SH3BGR: variants seen among roughly 807,000 people sequenced by gnomAD.
The protein encoded by SH3BGR is SH3 domain binding glutamate rich protein.
SH3BGR carries 29 observed loss-of-function variants against 24.5 expected under a neutral mutation model. The observed-to-expected ratio is 1.18, with a 90% CI of 0.88 to 1.61. SH3BGR has a LOEUF of 1.61. SH3BGR is among the 40% of genes most tolerant of loss of function. SH3BGR has a pLI of 0.00. For missense variants in SH3BGR, 162 were observed against 205.8 expected, an observed-to-expected ratio of 0.79 and a Z score of 1.30; for synonymous variants, 55 against 65.7, an observed-to-expected ratio of 0.84 and a Z score of 0.79.
At chr21:39,495,390 C>T (rs893965649) in intron 3 of SH3BGR, among the ~76,000 whole-genome samples, 1 of 151,976 alleles carries the variant, frequency 6.6e-6, no homozygotes, top group African/African-American at 2.4e-5. Flanking sequence ...AAACAGCAAA[C>T]TCTATGTTTC....
intron 3 of SH3BGR, among the ~76,000 whole-genome samples, chr21:39,476,537 C>T (rs1328965204): frequency 1.3e-5 from 2 of 152,188 alleles, no homozygotes; most frequent in African/African-American, 4.8e-5. Context: ...AAAAAATGCC[C>T]TACTCCTTCC....
Position 39,462,396 on chromosome 21 carries a change from G to T in SH3BGR, c.67G>T (p.Val23Leu). 6.2e-7 allele frequency: 1 copy of T among 1,609,150 alleles called. No homozygotes were observed. The highest frequency in any genetic ancestry group is 1.7e-5 in the Admixed American group (1 of 58,198). The part of the protein sequence containing the change: ...SIAIRKKQQE[V>L]VGFLEANKID... The stretch of plus-strand genomic sequence containing the variant: ...CCAGATTAGGAAGAAACAGCAAGAA[G>T]TAGTGGGTTTTTTGGAAGCGAATAA... Residue 23 changes from valine (V) to leucine (L), a missense_variant, in exon 2 of 7, where the codon GTA (valine) becomes TTA (leucine). Physicochemically the swap from Val to Leu is conservative, Grantham distance 32. Transcript: ENST00000333634.
At chr21:39,460,491 A>AT (rs1433319542) in intron 1 of SH3BGR, among the ~76,000 whole-genome samples, 1 of 151,924 alleles carries the variant, frequency 6.6e-6, no homozygotes, top group Non-Finnish European at 1.5e-5. Context: ...AAACTAAAAA[A>AT]TTTTTTTTGA....
chr21:39,463,570 CCTCTT>C (rs2077791710), intron 2 of SH3BGR, among the ~76,000 whole-genome samples: 1 of 152,220 alleles, frequency 6.6e-6, no homozygotes, highest in Non-Finnish European at 1.5e-5. Context: ...TCTTATCTGA[CCTCTT>C]CTCTTGCTGC....
Position 39,462,366 on chromosome 21 carries a change from C to G in SH3BGR, c.46-9C>G, listed in dbSNP as rs1442112075. 1.9e-6 allele frequency: 3 copies of G among 1,591,328 alleles called. No individual in the cohort carries two copies. The East Asian group carries it at 6.7e-5, about 36-fold the overall frequency. Reference sequence around the variant, plus strand: ...ATAAACAGCCTAATATTTCTCTACTCTTGACCAGATTAGGAAGAAACAGCA... The same window carrying G: ...ATAAACAGCCTAATATTTCTCTACTGTTGACCAGATTAGGAAGAAACAGCA... On this transcript the variant is annotated splice_polypyrimidine_tract_variant and intron_variant, in intron 1 of 6. Transcript: ENST00000333634.
chr21:39,462,394 A>T lies in SH3BGR; in HGVS notation c.65A>T (p.Glu22Val). Residue 22 changes from glutamate to valine, a missense_variant, in exon 2 of 7, where the codon GAA (glutamate) becomes GTA (valine). Glu to Val is a moderately radical substitution (Grantham distance 121, BLOSUM62 -2). Transcript: ENST00000333634. ...GACCAGATTAGGAAGAAACAGCAAG[A>T]AGTAGTGGGTTTTTTGGAAGCGAAT... ...GSIAIRKKQQEVVGFLEANKI... is the reference protein window; with the variant it reads ...GSIAIRKKQQVVVGFLEANKI... 1 of 1,608,012 alleles carries T rather than the reference A, an allele frequency of 6.2e-7. No homozygotes were observed. Among genetic ancestry groups the T allele is most frequent in the South Asian group, 1.1e-5 (1 of 89,472 alleles).
At chr21:39,472,582 T>C (rs530171353) in intron 2 of SH3BGR, among the ~76,000 whole-genome samples, 1 of 152,352 alleles carries the variant, frequency 6.6e-6, no homozygotes, top group Non-Finnish European at 1.5e-5. Flanking sequence ...GATTTCCTTT[T>C]AAGATTTTTT....
chr21:39,449,130 A>C (rs1369182407), upstream of SH3BGR, among the ~76,000 whole-genome samples: 1 of 152,224 alleles, frequency 6.6e-6, no homozygotes, highest in Non-Finnish European at 1.5e-5. Context: ...TGTATGATAC[A>C]TATATGTTTA....
At chr21:39,460,062 G>A (rs73906042) in intron 1 of SH3BGR, among the ~76,000 whole-genome samples, 6,607 of 152,272 alleles carry the variant, frequency 0.043, 449 homozygotes, top group African/African-American at 0.15. Context: ...AGATGGCCAC[G>A]TTGGTAAGAA....
At chr21:39,460,896 T>C (rs1390968881) in intron 1 of SH3BGR, among the ~76,000 whole-genome samples, 1 of 152,186 alleles carries the variant, frequency 6.6e-6, no homozygotes, top group Non-Finnish European at 1.5e-5. Context: ...CAAGCAATCC[T>C]TTTGTCTCAG....
At chr21:39,472,850 C>T (rs1217549401) in intron 2 of SH3BGR, among the ~76,000 whole-genome samples, 1 of 152,106 alleles carries the variant, frequency 6.6e-6, no homozygotes, top group Non-Finnish European at 1.5e-5. Context: ...TCTACATCCC[C>T]CTTTTTCCTC....
chr21:39,505,852 C>T (rs947294442), intron 4 of SH3BGR, among the ~76,000 whole-genome samples: 20 of 152,104 alleles, frequency 1.3e-4, no homozygotes, highest in African/African-American at 4.6e-4. Flanking sequence ...CTTCCTACTG[C>T]CCCCCAGGCT....
intron 1 of SH3BGR, among the ~76,000 whole-genome samples, chr21:39,459,232 CTT>C (rs34104540): frequency 6.9e-6 from 1 of 145,646 alleles, no homozygotes. Flanking sequence ...CTTTTTCTTT[CTT>C]TTTTTTTTTG....
chr21:39,499,994 T>C, intron 4 of SH3BGR, 79 bp downstream of exon 4: 1 of 1,033,264 alleles, frequency 9.7e-7, no homozygotes, highest in Non-Finnish European at 1.5e-6. Context: ...ACAACTTGAC[T>C]CTGGGCACAA....
chr21:39,492,466 G>GTATATA (rs575260270), intron 3 of SH3BGR, among the ~76,000 whole-genome samples: 48 of 139,774 alleles, frequency 3.4e-4, no homozygotes, highest in African/African-American at 1.1e-3. Flanking sequence ...GTGTGTGTGT[G>GTATATA]TATATATATA....
chr21:39,448,685 C>CAACAA (rs1475607622), upstream of SH3BGR, among the ~76,000 whole-genome samples: 5 of 152,014 alleles, frequency 3.3e-5, no homozygotes, highest in African/African-American at 9.7e-5. Flanking sequence ...AAAAAACAAA[C>CAACAA]AACAAAACAA....
At chr21:39,492,172 AC>A (rs1422109570) in intron 3 of SH3BGR, among the ~76,000 whole-genome samples, 7 of 151,812 alleles carry the variant, frequency 4.6e-5, no homozygotes, top group Admixed American at 2.0e-4. Context: ...ATTTTGGTGC[AC>A]CCATCACCCA....
intron 2 of SH3BGR, among the ~76,000 whole-genome samples, chr21:39,470,895 T>C (rs1322601996): frequency 6.6e-6 from 1 of 152,216 alleles, no homozygotes; most frequent in East Asian, 1.9e-4. Flanking sequence ...AGACAATGTC[T>C]TTCTTTCACC....
At chr21:39,488,598 C>T (rs961348167) in intron 3 of SH3BGR, 14 of 262,566 alleles carry the variant, frequency 5.3e-5, no homozygotes, top group South Asian at 2.3e-4. Context: ...GGATTATGTC[C>T]GAGTCCAAGG....
Sources: allele counts gnomAD v4.1 joint callset (sites outside exome capture counted in the v4.1 genomes callset), GRCh38; gene constraint gnomAD v4.1.1; transcripts MANE v1.5; gene names NCBI Gene and HGNC (gene_info 2026-07-23, HGNC 2026-07-21).